CALN1: variants seen among roughly 807,000 people sequenced by gnomAD.
CALN1 encodes calneuron 1, also known as calcium-binding protein 8.
CALN1 carries 17 observed loss-of-function variants against 30.6 expected under a neutral mutation model. The ratio of observed to expected loss-of-function variants is 0.56; its 90% confidence interval spans 0.38 to 0.83. The LOEUF is 0.83. Among genes scored for constraint, CALN1 ranks in the 40% least tolerant of loss-of-function variants. The probability of loss-of-function intolerance (pLI) is 0.00; values close to 1 mark genes in which losing one functional copy is unlikely to be tolerated. For synonymous variants in CALN1, 156 were observed against 131.4 expected (o/e 1.19, Z -1.28); for missense variants, 291 against 354.9 (o/e 0.82, Z 1.45).
intron 2 of CALN1, among the ~76,000 whole-genome samples, chr7:72,367,713 T>G (rs1355657863): frequency 2.0e-5 from 3 of 148,842 alleles, no homozygotes; most frequent in Non-Finnish European, 4.5e-5. Context: ...CACACGCCTG[T>G]GGTCCCAGCT....
chr7:72,258,897 TAAA>T (rs796340783), intron 3 of CALN1, among the ~76,000 whole-genome samples: 1 of 132,730 alleles, frequency 7.5e-6, no homozygotes, highest in Non-Finnish European at 1.6e-5. Context: ...TACTAAAAAG[TAAA>T]AAAAAAAAAA....
chr7:71,922,733 A>G (rs923171095), intron 5 of CALN1, among the ~76,000 whole-genome samples: 1 of 124,368 alleles, frequency 8.0e-6, no homozygotes, highest in African/African-American at 2.7e-5. Context: ...TAACATACAG[A>G]ATATATTATA....
chr7:71,867,814 C>T (rs1365043799), intron 5 of CALN1, among the ~76,000 whole-genome samples: 3 of 152,160 alleles, frequency 2.0e-5, no homozygotes, highest in African/African-American at 4.8e-5. Flanking sequence ...TATTTGTTGA[C>T]AGCTATGTCA....
chr7:72,069,824 T>C (rs1804268273), intron 4 of CALN1, among the ~76,000 whole-genome samples: 1 of 152,180 alleles, frequency 6.6e-6, no homozygotes, highest in Non-Finnish European at 1.5e-5. Context: ...TAGGATTCTA[T>C]GGTTTATGCA....
At chr7:71,952,693 A>G (rs1796754904) in intron 5 of CALN1, among the ~76,000 whole-genome samples, 1 of 152,050 alleles carries the variant, frequency 6.6e-6, no homozygotes, top group Non-Finnish European at 1.5e-5. Flanking sequence ...AAGTACGGCC[A>G]TACGGACGCC....
intron 3 of CALN1, among the ~76,000 whole-genome samples, chr7:72,145,105 A>G (rs1230931198): frequency 6.6e-6 from 1 of 152,216 alleles, no homozygotes; most frequent in East Asian, 1.9e-4. Flanking sequence ...AGCAGAAGGC[A>G]AGAAATAACT....
At chr7:72,321,866 T>A (rs992931891) in intron 2 of CALN1, among the ~76,000 whole-genome samples, 2 of 152,126 alleles carry the variant, frequency 1.3e-5, no homozygotes, top group Non-Finnish European at 2.9e-5. Flanking sequence ...CCTGTTCTAG[T>A]GGTCTGTGAC....
At chr7:72,063,469 C>A (rs1220162629) in intron 4 of CALN1, among the ~76,000 whole-genome samples, 1 of 152,130 alleles carries the variant, frequency 6.6e-6, no homozygotes, top group Non-Finnish European at 1.5e-5. Flanking sequence ...CATCCTGTAT[C>A]CACAGGGAGA....
chr7:71,971,993 GAGAAAGAAAGAAAA>G (rs1797861018), intron 5 of CALN1, among the ~76,000 whole-genome samples: 1 of 85,634 alleles, frequency 1.2e-5, no homozygotes, highest in Admixed American at 1.3e-4. Flanking sequence ...AAGAAAGAAA[GAGAAAGAAAGAAAA>G]AAAGAAAGAA....
At chr7:71,807,679 C>T (rs1669709765) in intron 6 of CALN1, among the ~76,000 whole-genome samples, 1 of 151,800 alleles carries the variant, frequency 6.6e-6, no homozygotes, top group South Asian at 2.1e-4. Context: ...CAGGCTCACA[C>T]CTGTAATCCC....
intron 4 of CALN1, among the ~76,000 whole-genome samples, chr7:72,046,140 C>G (rs566994301): frequency 6.6e-6 from 1 of 152,156 alleles, no homozygotes; most frequent in South Asian, 2.1e-4. Flanking sequence ...CAGCAAAACC[C>G]TGTCTCTATA....
intron 5 of CALN1, among the ~76,000 whole-genome samples, chr7:71,894,847 T>G (rs1358525348): frequency 6.6e-6 from 1 of 152,256 alleles, no homozygotes; most frequent in Non-Finnish European, 1.5e-5. Context: ...GTTATTCCTG[T>G]GTGCTTTATA....
intron 3 of CALN1, among the ~76,000 whole-genome samples, chr7:72,261,158 A>C (rs12537428): frequency 0.36 from 54,517 of 151,954 alleles, 10,702 homozygotes; most frequent in Middle Eastern, 0.55. Flanking sequence ...AATTACAAAA[A>C]TTCGCCAGGT....
intron 3 of CALN1, among the ~76,000 whole-genome samples, chr7:72,111,137 C>T (rs1351075236): frequency 2.6e-5 from 4 of 152,234 alleles, no homozygotes; most frequent in Non-Finnish European, 4.4e-5. Context: ...TCATGCAACA[C>T]GTGCACGTTA....
intron 5 of CALN1, among the ~76,000 whole-genome samples, chr7:72,011,218 G>GAAAA (rs1451173418): frequency 1.3e-5 from 2 of 150,428 alleles, no homozygotes; most frequent in African/African-American, 4.9e-5. Context: ...GGCAATATAG[G>GAAAA]AAAAAACAAA....
At chr7:72,160,195 C>T (rs933502274) in intron 3 of CALN1, among the ~76,000 whole-genome samples, 1 of 152,120 alleles carries the variant, frequency 6.6e-6, no homozygotes, top group Non-Finnish European at 1.5e-5. Flanking sequence ...ATATGACTCC[C>T]TGATGAGTTC....
chr7:71,848,720 A>G (rs1790465931), intron 5 of CALN1, among the ~76,000 whole-genome samples: 1 of 152,118 alleles, frequency 6.6e-6, no homozygotes. Flanking sequence ...GGAATTCAAG[A>G]AAAGAAAAAA....
intron 5 of CALN1, among the ~76,000 whole-genome samples, chr7:71,892,664 A>AT (rs1793310158): frequency 6.6e-6 from 1 of 152,022 alleles, no homozygotes. Flanking sequence ...TATTATAGAT[A>AT]TTTTTCCTGG....
chr7:71,990,291 T>C (rs1361611352), intron 5 of CALN1, among the ~76,000 whole-genome samples: 1 of 152,112 alleles, frequency 6.6e-6, no homozygotes, highest in African/African-American at 2.4e-5. Context: ...CAATGTCATA[T>C]GGCCTAAAAA....
Sources: allele counts gnomAD v4.1 joint callset (sites outside exome capture counted in the v4.1 genomes callset), GRCh38; gene constraint gnomAD v4.1.1; transcripts MANE v1.5; gene names NCBI Gene and HGNC (gene_info 2026-07-23, HGNC 2026-07-21).